Variants in OSCP1 observed in about 807,000 individuals in gnomAD.
The protein encoded by OSCP1 is protein OSCP1.
A neutral mutation model predicts 45.1 loss-of-function variants in OSCP1; 35 were observed. The ratio of observed to expected loss-of-function variants is 0.78; its 90% CI spans 0.59 to 1.03. The LOEUF (loss-of-function observed/expected upper bound fraction) is 1.03, where lower values mean the gene tolerates loss of function less well. OSCP1 is among the 50% of genes least tolerant of loss of function. The pLI is 0.00. For missense variants in OSCP1, 400 were observed against 470.7 expected (o/e 0.85, Z 1.39); for synonymous variants, 179 against 180.1 (o/e 0.99, Z 0.05).
At chr1:36,440,585 A>C (rs1296298435) in intron 1 of OSCP1, among the ~76,000 whole-genome samples, 2 of 152,084 alleles carry the variant, frequency 1.3e-5, no homozygotes, top group Non-Finnish European at 2.9e-5. Context: ...ATGTGCCCTA[A>C]CATTTCCCCA....
intron 1 of OSCP1, chr1:36,440,720 C>G (rs1359825341): frequency 6.6e-6 from 1 of 152,132 alleles, no homozygotes; most frequent in Non-Finnish European, 1.5e-5. Flanking sequence ...CTTACCATAG[C>G]CTACATAAAA....
chr1:36,430,913 C>G (rs1648322366), intron 4 of OSCP1, among the ~76,000 whole-genome samples: 1 of 152,210 alleles, frequency 6.6e-6, no homozygotes. Flanking sequence ...CCTTGTCCTC[C>G]CAATGTGCTG....
chr1:36,431,774 G>T, intron 4 of OSCP1, 28 bp downstream of exon 4: 15 of 1,606,894 alleles, frequency 9.3e-6, no homozygotes, highest in Non-Finnish European at 1.2e-5. Context: ...CAGCTCCTGA[G>T]TGTTCCCAGG....
intron 1 of OSCP1, among the ~76,000 whole-genome samples, chr1:36,441,518 GC>G (rs1409071709): frequency 6.6e-6 from 1 of 151,892 alleles, no homozygotes; most frequent in African/African-American, 2.4e-5. Context: ...GGAGGCCGAG[GC>G]GGGCGGATCA....
intron 4 of OSCP1, among the ~76,000 whole-genome samples, chr1:36,426,612 A>G (rs1170679708): frequency 6.6e-6 from 1 of 151,920 alleles, no homozygotes; most frequent in East Asian, 1.9e-4. Context: ...CACCCCAACT[A>G]TTGCTCCCTA....
chr1:36,440,514 C>A (rs971961162), intron 1 of OSCP1, among the ~76,000 whole-genome samples: 1 of 152,160 alleles, frequency 6.6e-6, no homozygotes, highest in Non-Finnish European at 1.5e-5. Context: ...GAACCAAATC[C>A]ATTACCAACA....
chr1:36,446,107 C>G (rs1349801226), intron 1 of OSCP1, among the ~76,000 whole-genome samples: 4 of 152,120 alleles, frequency 2.6e-5, no homozygotes, highest in Admixed American at 6.5e-5. Context: ...ACTGCAACCT[C>G]TGCCTCCCGG....
chr1:36,420,720 C>T, intron 7 of OSCP1, 105 bp from the exon 8 acceptor site: 1 of 1,400,316 alleles, frequency 7.1e-7, no homozygotes, highest in Non-Finnish European at 9.6e-7. Context: ...AGAACAATTG[C>T]TATTTAAATT....
At chr1:36,435,091 C>CTTTTTTT (rs201268337) in intron 2 of OSCP1, among the ~76,000 whole-genome samples, 135 of 125,724 alleles carry the variant, frequency 1.1e-3, no homozygotes, top group Non-Finnish European at 1.4e-3. Flanking sequence ...TTTTCTTTTT[C>CTTTTTTT]TTTTTTTTTT....
intron 9 of OSCP1, chr1:36,418,525 AG>A: frequency 2.0e-6 from 1 of 507,082 alleles, no homozygotes; most frequent in Non-Finnish European, 3.5e-6. Context: ...TAATTTGAGC[AG>A]GGGGAATGAC....
At chr1:36,449,868 A>AAAAAAAAC (rs1649785664) in intron 1 of OSCP1, among the ~76,000 whole-genome samples, 1 of 118,636 alleles carries the variant, frequency 8.4e-6, no homozygotes, top group African/African-American at 2.9e-5. Context: ...AAAAAAAAAA[A>AAAAAAAAC]TCAGAACCTG....
At chr1:36,423,272 G>T in intron 5 of OSCP1, 91 bp downstream of exon 5, 1 of 1,031,348 alleles carries the variant, frequency 9.7e-7, no homozygotes. Flanking sequence ...GGCAGACTGT[G>T]AGTGGCTTGG....
intron 1 of OSCP1, among the ~76,000 whole-genome samples, chr1:36,439,731 T>C (rs1441843272): frequency 6.6e-6 from 1 of 152,220 alleles, no homozygotes; most frequent in Non-Finnish European, 1.5e-5. Flanking sequence ...TGCCTTAATT[T>C]CCACATTTGA....
At position 36,447,751 on chromosome 1, in the gene OSCP1, G is replaced by T; in HGVS notation, c.112+2507C>A. 7.2e-6 allele frequency: 2 copies of T among 279,136 alleles called. No individual in the cohort carries two copies. Among genetic ancestry groups the T allele is most frequent in the Admixed American group, 4.3e-5 (1 of 23,294 alleles). 17.3% of individuals were successfully genotyped at this position (279,136 alleles called of 1,614,324 possible). ...CAAAGTAAGTGCTTGATTTTTCATT[G>T]TTTTATTGTTGATTGCTGTCACTAG... On this transcript the variant is annotated intron_variant, in intron 1 of 9. Coordinates refer to ENST00000235532, the MANE Select transcript of OSCP1 (RefSeq NM_145047.5). This position sits in a 1 kb window ranked among gnomAD's most constrained non-coding sequence, Gnocchi z 4.1.
chr1:36,445,648 AG>A (rs1649474325), intron 1 of OSCP1, among the ~76,000 whole-genome samples: 1 of 152,220 alleles, frequency 6.6e-6, no homozygotes, highest in South Asian at 2.1e-4. Flanking sequence ...CAGCACCAAA[AG>A]TTTGGCAGAT....
rs770009760 is a variant in OSCP1, at chr1:36,418,094, TCCA to T, written c.*42_*44del. The stretch of plus-strand genomic sequence containing the variant: ...ATGGGGCATTCCCCAGGGGTCACCA[TCCA>T]GCAGCCTCTCCCTGGGGGCAGAGGA... On this transcript the variant is annotated 3_prime_UTR_variant, in exon 10 of 10. Transcript: ENST00000235532. 2.6e-6 allele frequency: 4 copies of T among 1,546,110 alleles called. No individual in the cohort carries two copies. The highest frequency in any genetic ancestry group is 3.6e-6 in the Non-Finnish European group (4 of 1,120,280).
intron 2 of OSCP1, among the ~76,000 whole-genome samples, chr1:36,437,638 C>T (rs1446386735): frequency 6.6e-6 from 1 of 152,142 alleles, no homozygotes; most frequent in African/African-American, 2.4e-5. Flanking sequence ...CCTGCCTCAG[C>T]CTCCTGAGTA....
intron 1 of OSCP1, among the ~76,000 whole-genome samples, chr1:36,446,887 G>A (rs1241403385): frequency 6.6e-6 from 1 of 152,062 alleles, no homozygotes; most frequent in African/African-American, 2.4e-5. Context: ...TATTATTCTC[G>A]CCATTGCTTT....
At position 36,420,470 on chromosome 1, in the gene OSCP1, A is replaced by C; in HGVS notation, c.959+6T>G. ...ATGTCTTTAACGAAACAGGTTTAAA[A>C]CATACTCCTCTTCTTCATCGGTGGT... On this transcript the variant is annotated splice_donor_region_variant and intron_variant, in intron 8 of 9. Coordinates refer to ENST00000235532, the MANE Select transcript of OSCP1 (RefSeq NM_145047.5). 6.2e-7 allele frequency: 1 copy of C among 1,612,948 alleles called. No homozygotes were observed. The highest frequency in any genetic ancestry group is 8.5e-7 in the Non-Finnish European group (1 of 1,179,660).
Sources: gnomAD v4.1 joint callset for allele counts (sites outside exome capture counted in the v4.1 genomes callset) on GRCh38, gnomAD v4.1.1 for gene constraint, Gnocchi (gnomAD v3.1) non-coding constraint, MANE v1.5 for transcripts, NCBI Gene and HGNC (gene_info 2026-07-23, HGNC 2026-07-21) for gene names.